DOCK3: variants seen among roughly 807,000 people sequenced by gnomAD.
DOCK3 encodes the protein dedicator of cytokinesis 3.
In DOCK3, 60 loss-of-function variants were observed where a neutral mutation model predicts 265.6. The ratio of observed to expected loss-of-function variants is 0.23; its 90% CI spans 0.18 to 0.28. DOCK3 has a LOEUF of 0.28. DOCK3 is among the 10% of genes least tolerant of loss of function. The pLI, the probability that DOCK3 is intolerant of heterozygous loss-of-function variation, is 1.00. For missense variants in DOCK3, 1,981 were observed against 2,594.3 expected, an observed-to-expected ratio of 0.76 and a Z score of 5.14; for synonymous variants, 881 against 938.0, an observed-to-expected ratio of 0.94 and a Z score of 1.11.
chr3:51,127,891 G>A (rs2084337497), intron 9 of DOCK3, among the ~76,000 whole-genome samples: 1 of 152,168 alleles, frequency 6.6e-6, no homozygotes, highest in African/African-American at 2.4e-5. Context: ...CACAGGGCAT[G>A]GTAATACTAA....
At chr3:51,039,095 A>T (rs2080381944) in intron 5 of DOCK3, among the ~76,000 whole-genome samples, 1 of 151,970 alleles carries the variant, frequency 6.6e-6, no homozygotes, top group African/African-American at 2.4e-5. Context: ...TCCTGGGTTC[A>T]AGGGGTTATC....
At chr3:51,003,315 A>G (rs1451750346) in intron 5 of DOCK3, among the ~76,000 whole-genome samples, 1 of 152,156 alleles carries the variant, frequency 6.6e-6, no homozygotes, top group Admixed American at 6.6e-5. Context: ...GCTGGTTGGG[A>G]ATGGAAGCAG....
At chr3:50,913,739 AT>A (rs2066222124) in intron 4 of DOCK3, among the ~76,000 whole-genome samples, 1 of 152,052 alleles carries the variant, frequency 6.6e-6, no homozygotes, top group African/African-American at 2.4e-5. Flanking sequence ...ATAGCACTGA[AT>A]TCAGTGCGTT....
At chr3:50,878,921 G>A (rs1343628428) in intron 3 of DOCK3, among the ~76,000 whole-genome samples, 1 of 152,210 alleles carries the variant, frequency 6.6e-6, no homozygotes, top group East Asian at 1.9e-4. Context: ...CAGACTAACA[G>A]CAGATCTCTC....
At chr3:50,907,799 G>T (rs1168367861) in intron 4 of DOCK3, among the ~76,000 whole-genome samples, 1 of 151,998 alleles carries the variant, frequency 6.6e-6, no homozygotes, top group Admixed American at 6.6e-5. Context: ...TCATTATGAT[G>T]TTAGCTGGTA....
intron 1 of DOCK3, among the ~76,000 whole-genome samples, chr3:50,726,252 T>C (rs2037814976): frequency 6.6e-6 from 1 of 152,112 alleles, no homozygotes; most frequent in Non-Finnish European, 1.5e-5. Flanking sequence ...CAGAACTCTG[T>C]GGATTCAGCA....
At chr3:50,787,574 A>T (rs2042247214) in intron 2 of DOCK3, 13 of 934,950 alleles carry the variant, frequency 1.4e-5, no homozygotes, top group Non-Finnish European at 2.1e-5. Context: ...CACAGGTCAC[A>T]CTTAGCTTTC....
chr3:51,118,310 G>A (rs1036616114), intron 9 of DOCK3, among the ~76,000 whole-genome samples: 29 of 152,200 alleles, frequency 1.9e-4, no homozygotes, highest in African/African-American at 6.3e-4. Flanking sequence ...TGATTGCACT[G>A]TAGACTGAGA....
chr3:50,719,560 C>T, intron 1 of DOCK3: 2 of 1,337,228 alleles, frequency 1.5e-6, no homozygotes, highest in Non-Finnish European at 2.1e-6. Context: ...CCATGGCCTG[C>T]ATAATATTAA....
chr3:50,793,843 A>T (rs2042623815), intron 2 of DOCK3, among the ~76,000 whole-genome samples: 1 of 151,998 alleles, frequency 6.6e-6, no homozygotes, highest in African/African-American at 2.4e-5. Flanking sequence ...ATTGAGACAG[A>T]TCTTTCTTTT....
At chr3:50,789,996 C>G (rs933932504) in intron 2 of DOCK3, among the ~76,000 whole-genome samples, 1 of 152,304 alleles carries the variant, frequency 6.6e-6, no homozygotes, top group East Asian at 1.9e-4. Flanking sequence ...GCTTCCCAAA[C>G]TGTTGAGATT....
At chr3:51,226,689 C>G (rs1012178366) in intron 15 of DOCK3, among the ~76,000 whole-genome samples, 3 of 152,216 alleles carry the variant, frequency 2.0e-5, no homozygotes, top group African/African-American at 7.2e-5. Context: ...GGGACCTACT[C>G]TGGCTTATGT....
At chr3:50,953,898 T>G (rs898723494) in intron 5 of DOCK3, among the ~76,000 whole-genome samples, 3 of 152,268 alleles carry the variant, frequency 2.0e-5, no homozygotes, top group African/African-American at 7.2e-5. Context: ...ATCTACCTAT[T>G]TTTTAATTTT....
chr3:50,718,353 G>A (rs2037256973), intron 1 of DOCK3, among the ~76,000 whole-genome samples: 4 of 152,092 alleles, frequency 2.6e-5, no homozygotes. Context: ...TATTCTCTAA[G>A]GACATCTTGG....
Position 51,114,899 on chromosome 3 carries a change from C to T in DOCK3, c.746+24515C>T, listed in dbSNP as rs9879752. 3.5e-3 allele frequency among the ~76,000 whole-genome samples: 528 copies of T among 151,546 alleles called. 4 individuals are homozygous for T. The highest frequency in any genetic ancestry group is 0.012 in the African/African-American group (503 of 41,272). On this transcript the variant is annotated intron_variant, in intron 9 of 52. Coordinates refer to ENST00000266037, the MANE Select transcript of DOCK3 (RefSeq NM_004947.5). ...GCTCCCACTTACGAGTGAGAACGTGCGGTGTTTGGTTTTCTGTTCCTGTGT... is the reference window on the plus strand; with the variant it reads ...GCTCCCACTTACGAGTGAGAACGTGTGGTGTTTGGTTTTCTGTTCCTGTGT...
chr3:50,706,579 T>C (rs1257095850), intron 1 of DOCK3, among the ~76,000 whole-genome samples: 1 of 152,142 alleles, frequency 6.6e-6, no homozygotes, highest in African/African-American at 2.4e-5. Context: ...GAAAACCTTA[T>C]GGGATTGAAT....
intron 1 of DOCK3, among the ~76,000 whole-genome samples, chr3:50,767,047 A>G (rs972061970): frequency 6.6e-6 from 1 of 152,146 alleles, no homozygotes; most frequent in African/African-American, 2.4e-5. Flanking sequence ...GATTGCGAAA[A>G]TATTCTCCCA....
chr3:51,260,876 C>A (rs1358609648), intron 23 of DOCK3, among the ~76,000 whole-genome samples: 1 of 151,882 alleles, frequency 6.6e-6, no homozygotes, highest in Non-Finnish European at 1.5e-5. Flanking sequence ...CCCAGCTACT[C>A]AGGAGGCTGA....
At chr3:51,329,915 T>C (rs1291435215) in intron 32 of DOCK3, among the ~76,000 whole-genome samples, 9 of 152,156 alleles carry the variant, frequency 5.9e-5, no homozygotes, top group African/African-American at 2.2e-4. Context: ...GACTTTTAAG[T>C]CCTATCTCTT....
Sources: allele counts gnomAD v4.1 joint callset (sites outside exome capture counted in the v4.1 genomes callset), GRCh38; gene constraint gnomAD v4.1.1; transcripts MANE v1.5; gene names NCBI Gene and HGNC (gene_info 2026-07-23, HGNC 2026-07-21).